ADAMDEC1: variants seen among roughly 807,000 people sequenced by gnomAD.
ADAMDEC1 encodes the protein ADAM DEC1.
In ADAMDEC1, 62 loss-of-function variants were observed where a neutral mutation model predicts 60.4. That is an observed-to-expected ratio of 1.03 (90% CI 0.84 to 1.27). The LOEUF is 1.27. Ranked by LOEUF, ADAMDEC1 falls within the 50% of genes most tolerant of loss-of-function variation. The pLI, the probability that ADAMDEC1 is intolerant of heterozygous loss-of-function variation, is 0.00. For synonymous variants in ADAMDEC1, 210 were observed against 195.1 expected, an observed-to-expected ratio of 1.08 and a Z score of -0.64; for missense variants, 595 against 565.0, an observed-to-expected ratio of 1.05 and a Z score of -0.54.
intron 8 of ADAMDEC1, 145 bp downstream of exon 8, chr8:24,398,696 C>G (rs1364634070): frequency 3.3e-5 from 30 of 918,200 alleles, no homozygotes; most frequent in East Asian, 7.6e-5. Flanking sequence ...GAACAAGCAT[C>G]AACATCAAGG....
rs1585815847 is a variant in ADAMDEC1 at position 24,401,802 on chromosome 8, C to T, written c.1143-113C>T. On this transcript the variant is annotated intron_variant, in intron 11 of 13. Transcript: ENST00000256412. ...CCAAATTTGGAATTTCCATTGAGCTCGGTAATACAGTTAGATAAATCAGAG... is the reference window on the plus strand; with the variant it reads ...CCAAATTTGGAATTTCCATTGAGCTTGGTAATACAGTTAGATAAATCAGAG... 2.4e-5 allele frequency: 23 copies of T among 972,990 alleles called. No individual in the cohort carries two copies. In the East Asian group the frequency reaches 3.8e-4, roughly 16 times the overall value. The allele number at this position is 972,990 out of a possible 1,614,324, so 60.3% of individuals were successfully genotyped here.
At chr8:24,401,144 C>T (rs1007620040) in intron 11 of ADAMDEC1, among the ~76,000 whole-genome samples, 9 of 152,050 alleles carry the variant, frequency 5.9e-5, no homozygotes, top group Non-Finnish European at 1.3e-4. Context: ...TATCTTTTCC[C>T]AAGGGTTGTG....
intron 10 of ADAMDEC1, 109 bp downstream of exon 10, chr8:24,399,583 A>G: frequency 2.1e-6 from 2 of 974,254 alleles, no homozygotes; most frequent in Non-Finnish European, 1.6e-6. Context: ...TCAATGAATC[A>G]AGGAAGAAAT....
Position 24,397,741 on chromosome 8 carries a change from C to T in ADAMDEC1, c.686C>T (p.Ala229Val). 1 of 1,612,670 alleles carries T rather than the reference C, an allele frequency of 6.2e-7. No individual in the cohort carries two copies. Among genetic ancestry groups the T allele is most frequent in the Non-Finnish European group, 8.5e-7 (1 of 1,179,350 alleles). ...YIDLYLVLDN[A>V]FYKNYNENLT... Reference sequence around the variant, plus strand: ...GATCTCTATTTGGTGCTGGATAATGCCTTTGTGAGTATGAAACACACGGCC... The same window carrying T: ...GATCTCTATTTGGTGCTGGATAATGTCTTTGTGAGTATGAAACACACGGCC... The change falls in exon 7 of 14, where the codon GCC (alanine) becomes GTC (valine). Residue 229 changes from alanine (A) to valine (V), a missense_variant. Physicochemically the swap from Ala to Val is moderately conservative, Grantham distance 64. Coordinates refer to ENST00000256412, the MANE Select transcript of ADAMDEC1 (RefSeq NM_014479.3).
At chr8:24,390,458 C>T (rs1029204070) in intron 1 of ADAMDEC1, among the ~76,000 whole-genome samples, 4 of 152,192 alleles carry the variant, frequency 2.6e-5, no homozygotes, top group African/African-American at 4.8e-5. Flanking sequence ...CACAATGGCT[C>T]ATGCCTGTAA....
Position 24,397,700 on chromosome 8 carries a change from G to T in ADAMDEC1, c.645G>T (p.Arg215=). The T allele has an allele frequency of 6.2e-7, 1 of 1,613,210 alleles. No individual in the cohort carries two copies. Among genetic ancestry groups the T allele is most frequent in the South Asian group, 1.1e-5 (1 of 90,958 alleles). ...TTGTAAAGAAAGAAGACTTTCTTCG[G>T]GCACAGAAATACATTGATCTCTATT... ...LKSPEKEDFL[R]AQKYIDLYLV... The change falls in exon 7 of 14, where the codon CGG becomes CGT. Residue 215 remains arginine (R), a synonymous_variant. Transcript: ENST00000256412.
intron 2 of ADAMDEC1, among the ~76,000 whole-genome samples, chr8:24,392,608 C>A (rs1042020904): frequency 1.3e-5 from 2 of 152,138 alleles, no homozygotes; most frequent in Non-Finnish European, 2.9e-5. Flanking sequence ...GATAAAGCTG[C>A]TTAGACATTT....
chr8:24,385,454 A>G (rs1237350226), intron 1 of ADAMDEC1, among the ~76,000 whole-genome samples: 2 of 152,146 alleles, frequency 1.3e-5, no homozygotes, highest in African/African-American at 4.8e-5. Context: ...TATACCAATA[A>G]TTATGCGATA....
At chr8:24,393,848 A>T (rs1462655686) in intron 3 of ADAMDEC1, among the ~76,000 whole-genome samples, 1 of 152,214 alleles carries the variant, frequency 6.6e-6, no homozygotes, top group African/African-American at 2.4e-5. Flanking sequence ...GGATCTGCAG[A>T]TGGGAAGAAG....
rs1817826848 is a variant in ADAMDEC1 at position 24,403,975 on chromosome 8, C to G, written c.1321-28C>G. The stretch of plus-strand genomic sequence containing the variant: ...TATGGGAAGAAAATGTTGAACCCAC[C>G]TTTTTCCATTGTGTGTGTGCTTTGA... On this transcript the variant is annotated intron_variant, in intron 12 of 13. Transcript: ENST00000256412. The G allele has an allele frequency of 1.9e-6, 3 of 1,596,748 alleles. No homozygotes were observed. In the South Asian group the frequency reaches 3.4e-5, roughly 18 times the overall value.
Position 24,405,297 on chromosome 8 carries a change from G to A in ADAMDEC1, c.1412G>A (p.Ter471=). The change falls in exon 14 of 14, where the codon TGA becomes TAA. Residue 471 remains the stop codon, a stop_retained_variant. Coordinates refer to ENST00000256412, the MANE Select transcript of ADAMDEC1 (RefSeq NM_014479.3). ...GGDAPNHTTE[*] is the part of the protein sequence containing the mutation. ...TTTATTTTTCCTTCAATCAGAGAGT[G>A]AATCCAAAAGTCTGCTTCACTGAGA... The A allele has an allele frequency of 6.2e-7, 1 of 1,612,622 alleles. No individual in the cohort carries two copies. The highest frequency in any genetic ancestry group is 1.1e-5 in the South Asian group (1 of 90,900).
In ADAMDEC1 at chr8:24,398,410, A is replaced by G. The variant is rs910338618; in HGVS notation, c.691-70A>G. On this transcript the variant is annotated intron_variant, in intron 7 of 13. Transcript: ENST00000256412. ...TTCATAATTTTTCTTAAAATGTGAA[A>G]TCTTGTATGCCATCAGCTTTCTCAG... 1.4e-5 allele frequency: 12 copies of G among 878,898 alleles called. No individual in the cohort carries two copies. In the Admixed American group the frequency reaches 2.5e-4, roughly 18 times the overall value. The allele number at this position is 878,898 out of a possible 1,614,324, so 54.4% of individuals were successfully genotyped here.
At chr8:24,385,083 AGATT>A (rs936920798) in intron 1 of ADAMDEC1, among the ~76,000 whole-genome samples, 6 of 152,072 alleles carry the variant, frequency 3.9e-5, no homozygotes, top group Admixed American at 6.6e-5. Context: ...TTTGTCTTTG[AGATT>A]GATTATTGAT....
At chr8:24,397,543 A>G (rs1817647660) in intron 6 of ADAMDEC1, 87 bp downstream of exon 6, 5 of 1,499,226 alleles carry the variant, frequency 3.3e-6, no homozygotes, top group Middle Eastern at 1.7e-4. Flanking sequence ...AATGAGTAGT[A>G]TGTGTATGTG....
chr8:24,385,879 G>C (rs772630185), intron 1 of ADAMDEC1, among the ~76,000 whole-genome samples: 12 of 152,068 alleles, frequency 7.9e-5, no homozygotes, highest in Non-Finnish European at 1.2e-4. Flanking sequence ...TGTGCTGTCG[G>C]ATGAGAATTA....
At position 24,392,345 on chromosome 8, in the gene ADAMDEC1, A is replaced by C; in HGVS notation, c.172A>C (p.Ile58Leu). 6.2e-7 allele frequency: 1 copy of C among 1,612,304 alleles called. No homozygotes were observed. Among genetic ancestry groups the C allele is most frequent in the Non-Finnish European group, 8.5e-7 (1 of 1,179,080 alleles). The stretch of plus-strand genomic sequence containing the variant: ...ACTTCACATTTTACACAAAAGAGAG[A>C]TCAAGAACAACCAGACAGAAAAGCA... ...KKLHILHKRE[I>L]KNNQTEKHGK... The change falls in exon 2 of 14, where the codon ATC becomes CTC. Residue 58 changes from isoleucine to leucine, a missense_variant. Coordinates refer to ENST00000256412, the MANE Select transcript of ADAMDEC1 (RefSeq NM_014479.3).
At chr8:24,390,256 T>C (rs1240017311) in intron 1 of ADAMDEC1, 1 of 990,888 alleles carries the variant, frequency 1.0e-6, no homozygotes, top group African/African-American at 1.7e-5. Flanking sequence ...TGTAATACGT[T>C]TACATTATTT....
chr8:24,390,893 A>C (rs951885418), intron 1 of ADAMDEC1, among the ~76,000 whole-genome samples: 1 of 152,210 alleles, frequency 6.6e-6, no homozygotes, highest in African/African-American at 2.4e-5. Flanking sequence ...TAAGGTAGAC[A>C]GAACAAGAAG....
chr8:24,401,375 C>T (rs1214796110), intron 11 of ADAMDEC1, among the ~76,000 whole-genome samples: 1 of 152,148 alleles, frequency 6.6e-6, no homozygotes, highest in Admixed American at 6.6e-5. Flanking sequence ...CATCATCAAT[C>T]AACCAATCAA....
Sources: gnomAD v4.1 joint callset for allele counts (sites outside exome capture counted in the v4.1 genomes callset) on GRCh38, gnomAD v4.1.1 for gene constraint, MANE v1.5 for transcripts, NCBI Gene and HGNC (gene_info 2026-07-23, HGNC 2026-07-21) for gene names.